PTPRA: variants seen among roughly 807,000 people sequenced by gnomAD.
PTPRA encodes receptor-type tyrosine-protein phosphatase alpha.
A neutral mutation model predicts 104.8 loss-of-function variants in PTPRA; 25 were observed. That is an observed-to-expected ratio of 0.24 (90% CI 0.17 to 0.33). The LOEUF (loss-of-function observed/expected upper bound fraction) is 0.33. PTPRA is among the 10% of genes least tolerant of loss of function. The probability of loss-of-function intolerance (pLI) is 1.00; values close to 1 mark genes in which losing one functional copy is unlikely to be tolerated. For missense variants in PTPRA, 765 were observed against 1,015.3 expected, an observed-to-expected ratio of 0.75 and a Z score of 3.35; for synonymous variants, 323 against 368.9, an observed-to-expected ratio of 0.88 and a Z score of 1.43.
chr20:2,870,004 C>A (rs1287566895), upstream of PTPRA, among the ~76,000 whole-genome samples: 1 of 151,516 alleles, frequency 6.6e-6, no homozygotes, highest in Non-Finnish European at 1.5e-5. Flanking sequence ...CGAGCAAAGG[C>A]TCCTACAACT....
chr20:3,022,180 T>G lies in PTPRA; in HGVS notation c.1288T>G (p.Cys430Gly). The G allele has an allele frequency of 6.2e-7, 1 of 1,614,224 alleles. No individual in the cohort carries two copies. Among genetic ancestry groups the G allele is most frequent in the Non-Finnish European group, 8.5e-7 (1 of 1,180,032 alleles). The change falls in exon 15 of 24, where the codon TGT (cysteine) becomes GGT (glycine). Residue 430 changes from cysteine (C) to glycine (G), a missense_variant. By Grantham distance (159) the Cys-to-Gly change is radical. Around this residue, in one of 4 missense-constraint regions of PTPRA, gnomAD observed 245 missense variants for 398.7 expected, o/e 0.61. Coordinates refer to ENST00000399903, the MANE Select transcript of PTPRA (RefSeq NM_001385305.1). The surrounding 1 kb of genome is among the most constrained non-coding windows in gnomAD (Gnocchi z 4.6). ...CAAGTTCCTCAAGAAGGTGAAGGCCTGTAACCCTCAGTATGCAGGGGCCAT... is the reference window on the plus strand; with the variant it reads ...CAAGTTCCTCAAGAAGGTGAAGGCCGGTAACCCTCAGTATGCAGGGGCCAT... ...MLKFLKKVKACNPQYAGAIVV... is the reference protein window; with the variant it reads ...MLKFLKKVKAGNPQYAGAIVV...
intron 5 of PTPRA, among the ~76,000 whole-genome samples, chr20:2,966,191 G>A (rs566413813): frequency 2.6e-5 from 4 of 152,186 alleles, no homozygotes; most frequent in Non-Finnish European, 1.5e-5. Context: ...ATTTTCTACC[G>A]TAAAGACAAG....
At chr20:3,015,745 G>T in intron 11 of PTPRA, 104 bp from the exon 12 acceptor site, 1 of 903,302 alleles carries the variant, frequency 1.1e-6, no homozygotes, top group Admixed American at 2.0e-5. Flanking sequence ...TTAAGTACCT[G>T]CACATTTTCA....
chr20:2,944,230 T>C (rs149997429), intron 2 of PTPRA, among the ~76,000 whole-genome samples: 1 of 151,928 alleles, frequency 6.6e-6, no homozygotes, highest in Non-Finnish European at 1.5e-5. Flanking sequence ...TTAGTAGATA[T>C]AGGGTTTCAC....
chr20:2,865,028 C>G, the PTPRA span: 1 of 1,614,184 alleles, frequency 6.2e-7, no homozygotes, highest in South Asian at 1.1e-5. This position sits in a 1 kb window ranked among gnomAD's most constrained non-coding sequence, Gnocchi z 5.2. Flanking sequence ...ATGCCTTCTA[C>G]AAGGCCAAGA....
At chr20:2,973,840 A>C (rs1180008943) in intron 5 of PTPRA, among the ~76,000 whole-genome samples, 1 of 152,176 alleles carries the variant, frequency 6.6e-6, no homozygotes, top group African/African-American at 2.4e-5. Context: ...TATCAAGGCA[A>C]GAAGAGAAAG....
chr20:2,965,706 T>C (rs1481427499), intron 5 of PTPRA, among the ~76,000 whole-genome samples: 1 of 152,160 alleles, frequency 6.6e-6, no homozygotes, highest in Non-Finnish European at 1.5e-5. Flanking sequence ...TTGATGTCCA[T>C]GACAGTTAGA....
intron 6 of PTPRA, among the ~76,000 whole-genome samples, chr20:2,978,043 G>A (rs2062513367): frequency 6.6e-6 from 1 of 152,104 alleles, no homozygotes; most frequent in South Asian, 2.1e-4. Context: ...AGACATGAAA[G>A]AGTAAGTCAT....
intron 2 of PTPRA, 69 bp from the exon 3 acceptor site, chr20:2,947,913 G>C: frequency 1.6e-6 from 1 of 637,368 alleles, no homozygotes; most frequent in Non-Finnish European, 2.4e-6. Context: ...TCTGTCAATA[G>C]GAGGTTGATG....
chr20:2,949,307 CT>C (rs150488260), intron 3 of PTPRA, among the ~76,000 whole-genome samples: 4,564 of 138,476 alleles, frequency 0.033, 193 homozygotes, highest in African/African-American at 0.1. Flanking sequence ...TGTAGATTTT[CT>C]TTTTTTTTTT....
rs1431578904 is a variant in PTPRA, at chr20:2,947,966, A to G, written c.-49-16A>G. On this transcript the variant is annotated splice_polypyrimidine_tract_variant and intron_variant, in intron 2 of 23. Coordinates refer to ENST00000399903, the MANE Select transcript of PTPRA (RefSeq NM_001385305.1). ...AGATACTCCTAATTAACTGTTTTTTATTTCTTTTTTTCTAGGACACATGTT... is the reference window on the plus strand; with the variant it reads ...AGATACTCCTAATTAACTGTTTTTTGTTTCTTTTTTTCTAGGACACATGTT... The G allele has an allele frequency of 8.5e-6, 9 of 1,052,954 alleles. No homozygotes were observed. Among genetic ancestry groups the G allele is most frequent in the Non-Finnish European group, 1.0e-5 (8 of 778,978 alleles). The allele number at this position is 1,052,954 out of a possible 1,614,324, so 65.2% of individuals were successfully genotyped here. A position where few individuals can be genotyped will look rare whatever the true frequency, so the allele number is the denominator to read the frequency against.
intron 3 of PTPRA, among the ~76,000 whole-genome samples, chr20:2,957,279 C>T (rs1194789016): frequency 3.3e-5 from 5 of 152,028 alleles, no homozygotes; most frequent in East Asian, 1.9e-4. Flanking sequence ...AGCGAGACTC[C>T]GTCTCAAATA....
the PTPRA span, chr20:2,865,167 G>A: frequency 8.7e-6 from 14 of 1,614,110 alleles, no homozygotes; most frequent in Admixed American, 1.7e-5. The surrounding 1 kb of genome is among the most constrained non-coding windows in gnomAD (Gnocchi z 5.2). Flanking sequence ...GATCAAATGC[G>A]GCTCCTACGG....
chr20:2,954,250 T>C (rs936128891), intron 3 of PTPRA, among the ~76,000 whole-genome samples: 6 of 151,454 alleles, frequency 4.0e-5, no homozygotes, highest in Non-Finnish European at 7.4e-5. Flanking sequence ...GCTAATTTTT[T>C]GTATTTTTAG....
chr20:2,910,356 TTTTA>T (rs1397387360), intron 1 of PTPRA, among the ~76,000 whole-genome samples: 1,989 of 88,514 alleles, frequency 0.022, 143 homozygotes, highest in Admixed American at 0.076. Flanking sequence ...ATATTATATA[TTTTA>T]TATATAATAT....
chr20:2,877,091 CATT>C (rs1300456489), intron 1 of PTPRA, among the ~76,000 whole-genome samples: 1 of 152,090 alleles, frequency 6.6e-6, no homozygotes, highest in Non-Finnish European at 1.5e-5. Flanking sequence ...AGTTTGTAAA[CATT>C]ATTGCATTAT....
At chr20:2,897,111 T>G (rs1473462223) in intron 1 of PTPRA, among the ~76,000 whole-genome samples, 3 of 152,252 alleles carry the variant, frequency 2.0e-5, no homozygotes, top group Non-Finnish European at 4.4e-5. Context: ...CAATTACTGG[T>G]TATGTTTAAT....
chr20:2,961,744 T>C (rs913483827), intron 3 of PTPRA, among the ~76,000 whole-genome samples: 2 of 152,354 alleles, frequency 1.3e-5, no homozygotes, highest in African/African-American at 4.8e-5. Flanking sequence ...TATAGTCTTA[T>C]GATTGATATT....
chr20:2,910,309 A>G (rs1361922081), intron 1 of PTPRA, among the ~76,000 whole-genome samples: 6 of 99,576 alleles, frequency 6.0e-5, no homozygotes, highest in South Asian at 6.7e-4. Context: ...TATATTTTAT[A>G]TATTATAATA....
Sources: gnomAD v4.1 joint callset for allele counts (sites outside exome capture counted in the v4.1 genomes callset) on GRCh38, gnomAD v4.1.1 for gene constraint, gnomAD v4.1.1 regional missense constraint, Gnocchi (gnomAD v3.1) non-coding constraint, MANE v1.5 for transcripts, NCBI Gene and HGNC (gene_info 2026-07-23, HGNC 2026-07-21) for gene names.